GLB1L3: variants seen among roughly 807,000 people sequenced by gnomAD.
GLB1L3 encodes galactosidase beta 1 like 3.
Under a neutral mutation model 89.5 loss-of-function variants are expected in GLB1L3, and 89 were observed. The observed-to-expected ratio is 0.99, with a 90% CI of 0.84 to 1.19. GLB1L3 has a LOEUF of 1.19. Among genes scored for constraint, GLB1L3 ranks in the 50% most tolerant of loss-of-function variants. The pLI is 0.00. For synonymous variants in GLB1L3, 314 were observed against 312.3 expected (o/e 1.01, Z -0.06); for missense variants, 812 against 813.3 (o/e 1.00, Z 0.02).
Position 134,276,707 on chromosome 11 carries a change from C to T in GLB1L3, c.-34C>T. 7.0e-7 allele frequency: 1 copy of T among 1,435,498 alleles called. No individual in the cohort carries two copies. Among genetic ancestry groups the T allele is most frequent in the Non-Finnish European group, 9.1e-7 (1 of 1,095,398 alleles). The allele number at this position is 1,435,498 out of a possible 1,614,324, so 88.9% of individuals were successfully genotyped here. On this transcript the variant is annotated 5_prime_UTR_variant, in exon 1 of 20. Transcript: ENST00000431683. ...GGGGCCAGCGGAGAGGGGCGGAAGC[C>T]GCAAGGGACCCTCGGCGCCTCGGCC...
intron 9 of GLB1L3, among the ~76,000 whole-genome samples, chr11:134,299,449 T>C (rs1017240539): frequency 1.3e-5 from 2 of 152,188 alleles, no homozygotes; most frequent in African/African-American, 4.8e-5. Flanking sequence ...TGCTAGGCCA[T>C]GTGGGATTTT....
intron 10 of GLB1L3, among the ~76,000 whole-genome samples, chr11:134,308,289 ACCACCACCACCACCACCACC>A: frequency 2.5e-5 from 1 of 40,740 alleles, no homozygotes; most frequent in Non-Finnish European, 4.9e-5. Context: ...ACCAAATACC[ACCACCACCACCACCACCACC>A]ACTACCACCA....
intron 9 of GLB1L3, among the ~76,000 whole-genome samples, chr11:134,306,802 C>A (rs1485820647): frequency 6.6e-6 from 1 of 152,246 alleles, no homozygotes; most frequent in African/African-American, 2.4e-5. Context: ...GAATTGCGGT[C>A]AGGTCCTCGT....
Position 134,307,206 on chromosome 11 carries a change from A to C in GLB1L3, c.959A>C (p.Lys320Thr). ...WGDKHHVKDA[K>T]EVEHAVSEFI... ...GATAAGCACCATGTTAAAGATGCAA[A>C]GGGTGAGTGTTTTGCAGTGTTTGAC... The change falls in exon 10 of 20, where the codon AAG (lysine) becomes ACG (threonine). Residue 320 changes from lysine to threonine, a missense_variant and splice_region_variant. By Grantham distance (78) the Lys-to-Thr change is moderately conservative (BLOSUM62 -1). Transcript: ENST00000431683. 6.2e-7 allele frequency: 1 copy of C among 1,611,760 alleles called. No individual in the cohort carries two copies. Among genetic ancestry groups the C allele is most frequent in the Non-Finnish European group, 8.5e-7 (1 of 1,178,278 alleles).
In GLB1L3 at chr11:134,276,589, G is replaced by A. The variant is rs181828569; in HGVS notation, c.-152G>A. 11,868 of 673,972 alleles carry A rather than the reference G, an allele frequency of 0.018. 145 individuals carry two copies. The highest frequency in any genetic ancestry group is 0.022 in the Non-Finnish European group (10,701 of 480,336). The allele number at this position is 673,972 out of a possible 1,614,324, so 41.7% of individuals were successfully genotyped here. On this transcript the variant is annotated 5_prime_UTR_variant, in exon 1 of 20. Coordinates refer to ENST00000431683, the MANE Select transcript of GLB1L3 (RefSeq NM_001080407.3). ...GACCCGGACCCGGCGCCCGCGCCTC[G>A]GGACGGATTTCTGCCTCGGCTGCAG... is the stretch of plus-strand genomic sequence containing the variant.
At chr11:134,292,764 TGCTGCCGGCG>T in intron 8 of GLB1L3, 1 of 357,062 alleles carries the variant, frequency 2.8e-6, no homozygotes, top group Non-Finnish European at 5.2e-6. Flanking sequence ...CGGGGCGAGC[TGCTGCCGGCG>T]GCTGCCGTTC....
In GLB1L3 at chr11:134,312,503, GCTGT is replaced by G. The variant is rs781636040; in HGVS notation, c.1428+19_1428+22del. The G allele has an allele frequency of 1.1e-4, 184 of 1,609,114 alleles. No individual in the cohort carries two copies. Among genetic ancestry groups the G allele is most frequent in the Middle Eastern group, 8.8e-4 (5 of 5,654 alleles). The stretch of plus-strand genomic sequence containing the variant: ...GACGTGGCACAGGTAGGGCCAGCAG[GCTGT>G]CTGTGTGGGAAGCAAAGTGCATCAC... On this transcript the variant is annotated intron_variant, in intron 14 of 19. Coordinates refer to ENST00000431683, the MANE Select transcript of GLB1L3 (RefSeq NM_001080407.3).
At chr11:134,292,383 C>G (rs1327975320) in intron 8 of GLB1L3, 170 bp downstream of exon 8, 2 of 549,858 alleles carry the variant, frequency 3.6e-6, no homozygotes, top group Non-Finnish European at 6.5e-6. Flanking sequence ...AAGGTTAAGG[C>G]TCAGGGCCAC....
chr11:134,319,771 TGTG>T (rs1161061157), downstream of GLB1L3, among the ~76,000 whole-genome samples: 16 of 151,870 alleles, frequency 1.1e-4, no homozygotes, highest in African/African-American at 3.6e-4. Flanking sequence ...CATGTGTGTG[TGTG>T]TATGTAGGAG....
intron 9 of GLB1L3, among the ~76,000 whole-genome samples, chr11:134,300,384 G>C (rs1420136857): frequency 1.3e-5 from 2 of 148,900 alleles, no homozygotes; most frequent in African/African-American, 5.0e-5. Context: ...CCAGGCTAGA[G>C]TGCAGTGGTG....
At chr11:134,276,873 C>T (rs918022654) in intron 1 of GLB1L3, 110 bp downstream of exon 1, 19 of 963,616 alleles carry the variant, frequency 2.0e-5, no homozygotes, top group Non-Finnish European at 2.5e-5. Flanking sequence ...GCACGCGCCG[C>T]GCCGGGCCGC....
chr11:134,308,550 T>TCACCACCACCAC (rs1400157023), intron 10 of GLB1L3, among the ~76,000 whole-genome samples: 1 of 16,874 alleles, frequency 5.9e-5, no homozygotes. Context: ...ACCATCACCA[T>TCACCACCACCAC]CACCATCACC....
chr11:134,283,676 C>G lies in GLB1L3; in HGVS notation c.528-61C>G. 3 of 928,574 alleles carry G rather than the reference C, an allele frequency of 3.2e-6. No homozygotes were observed. In the South Asian group the frequency reaches 4.4e-5, roughly 14 times the overall value. 57.5% of individuals were successfully genotyped at this position (928,574 alleles called of 1,614,324 possible). A position where few individuals can be genotyped will look rare whatever the true frequency, so the allele number is the denominator to read the frequency against. On this transcript the variant is annotated intron_variant, in intron 5 of 19. Transcript: ENST00000431683. Reference sequence around the variant, plus strand: ...GCGGCGAGCCGGGGCAGCTCTGAGCCCACTCCTGCTTCCCTCTCCCAACCC... The same window carrying G: ...GCGGCGAGCCGGGGCAGCTCTGAGCGCACTCCTGCTTCCCTCTCCCAACCC...
chr11:134,301,516 C>G (rs930631958), intron 9 of GLB1L3, among the ~76,000 whole-genome samples: 5 of 152,094 alleles, frequency 3.3e-5, no homozygotes, highest in Non-Finnish European at 4.4e-5. Flanking sequence ...CGTTTTTACT[C>G]TGTCTTAACA....
At position 134,277,306 on chromosome 11, in the gene GLB1L3, G is replaced by C. The variant is rs879192305; in HGVS notation, c.24-20G>C. ...GGGCCGGAACCTTCCCCTTGTCACT[G>C]TTGTCCTTTCTCCTTTCAGCCCGTG... On this transcript the variant is annotated intron_variant, in intron 1 of 19. Coordinates refer to ENST00000431683, the MANE Select transcript of GLB1L3 (RefSeq NM_001080407.3). The C allele has an allele frequency of 1.2e-6, 2 of 1,613,774 alleles. No individual in the cohort carries two copies. Among genetic ancestry groups the C allele is most frequent in the South Asian group, 2.2e-5 (2 of 91,088 alleles).
intron 18 of GLB1L3, among the ~76,000 whole-genome samples, chr11:134,317,999 A>G (rs769153914): frequency 1.1e-4 from 17 of 152,142 alleles, no homozygotes; most frequent in Non-Finnish European, 2.1e-4. Context: ...GGGTTTACAT[A>G]TCATTATCCA....
At chr11:134,282,863 G>A (rs865799856) in intron 5 of GLB1L3, among the ~76,000 whole-genome samples, 1 of 152,318 alleles carries the variant, frequency 6.6e-6, no homozygotes, top group African/African-American at 2.4e-5. Context: ...TCCAGGGGCA[G>A]AGAAAGCCTG....
rs1942425521 is a variant in GLB1L3 at position 134,308,389 on chromosome 11, T to TCACCACCATCACCACCACCAC, written c.961+1195_961+1196insCCACCACCACCACCATCACCA. On this transcript the variant is annotated intron_variant, in intron 10 of 19. Coordinates refer to ENST00000431683, the MANE Select transcript of GLB1L3 (RefSeq NM_001080407.3). ...ACCACCACCACCACCATCACCACCA[T>TCACCACCATCACCACCACCAC]CACCACCATCACCATCACCACCACC... Among the ~76,000 whole-genome samples the TCACCACCATCACCACCACCAC allele has an allele frequency of 6.6e-5, 2 of 30,532 alleles. 1 individual carries two copies. The highest frequency in any genetic ancestry group is 1.2e-4 in the Non-Finnish European group (2 of 16,400). The allele number at this position is 30,532 out of a possible 152,430, so 20.0% of individuals were successfully genotyped here.
chr11:134,276,559 C>T lies in GLB1L3; in HGVS notation c.-182C>T, dbSNP rs920000804. 19 of 471,136 alleles carry T rather than the reference C, an allele frequency of 4.0e-5. No individual in the cohort carries two copies. Among genetic ancestry groups the T allele is most frequent in the Non-Finnish European group, 6.4e-5 (19 of 295,600 alleles). 29.2% of individuals were successfully genotyped at this position (471,136 alleles called of 1,614,324 possible). ...CGCGGGAGGGAGCCCGACGCGCATC[C>T]TTGGGACCCGGACCCGGCGCCCGCG... On this transcript the variant is annotated 5_prime_UTR_variant, in exon 1 of 20. Coordinates refer to ENST00000431683, the MANE Select transcript of GLB1L3 (RefSeq NM_001080407.3).
Sources: gnomAD v4.1 joint callset for allele counts (sites outside exome capture counted in the v4.1 genomes callset) on GRCh38, gnomAD v4.1.1 for gene constraint, MANE v1.5 for transcripts, NCBI Gene and HGNC (gene_info 2026-07-23, HGNC 2026-07-21) for gene names.